The following AGO1 variants were observed in gnomAD, a reference collection of about 807,000 sequenced individuals.
The protein encoded by AGO1 is protein argonaute-1.
In AGO1, 11 loss-of-function variants were observed where a neutral mutation model predicts 109.2. The observed-to-expected ratio is 0.10, with a 90% CI of 0.06 to 0.17. The LOEUF is 0.17. Ranked by LOEUF, AGO1 falls within the 10% of genes least tolerant of loss-of-function variation. The pLI, the probability that AGO1 is intolerant of heterozygous loss-of-function variation, is 1.00. For missense variants in AGO1, 574 were observed against 1,140.3 expected, an observed-to-expected ratio of 0.50 and a Z score of 7.15; for synonymous variants, 422 against 418.6, an observed-to-expected ratio of 1.01 and a Z score of -0.10.
chr1:35,919,385 G>A lies in AGO1; in HGVS notation c.2466-114G>A, dbSNP rs1036702949. 2.4e-5 allele frequency: 35 copies of A among 1,459,582 alleles called. No individual in the cohort carries two copies. Among genetic ancestry groups the A allele is most frequent in the Non-Finnish European group, 3.1e-5 (33 of 1,071,380 alleles). 90.4% of individuals were successfully genotyped at this position (1,459,582 alleles called of 1,614,324 possible). On this transcript the variant is annotated intron_variant, in intron 18 of 18. Transcript: ENST00000373204. This position sits in a 1 kb window ranked among gnomAD's most constrained non-coding sequence, Gnocchi z 6.6. ...CATTGGGCTCGTCTGCCCAATCCTG[G>A]GTTGGGTTTCTCTCTTAAGTTGGTA... is the stretch of plus-strand genomic sequence containing the variant.
intron 11 of AGO1, 127 bp from the exon 12 acceptor site, chr1:35,906,808 G>GA (rs58488535): frequency 0.18 from 94,221 of 532,698 alleles, 1 homozygote; most frequent in South Asian, 0.21. Flanking sequence ...CTGTCTCAAG[G>GA]AAAAAAAAAA....
chr1:35,892,338 G>A (rs1256185254), intron 2 of AGO1, among the ~76,000 whole-genome samples: 1 of 152,240 alleles, frequency 6.6e-6, no homozygotes, highest in Admixed American at 6.5e-5. Flanking sequence ...TAGAAATGCA[G>A]AATTTCAGGC....
rs1557624521 is a variant in AGO1, at chr1:35,919,021, C to T, written c.2266-34C>T. ...CCTATTATCAGCCATCTTCTCTGCC[C>T]AGCCTGGGACCCCTCACCTTCCTAT... On this transcript the variant is annotated intron_variant, in intron 17 of 18. Coordinates refer to ENST00000373204, the MANE Select transcript of AGO1 (RefSeq NM_012199.5). The surrounding 1 kb of genome is among the most constrained non-coding windows in gnomAD (Gnocchi z 6.6). 10 of 1,600,690 alleles carry T rather than the reference C, an allele frequency of 6.2e-6. No homozygotes were observed. The highest frequency in any genetic ancestry group is 8.6e-6 in the Non-Finnish European group (10 of 1,168,230).
Position 35,894,337 on chromosome 1 carries a change from C to T in AGO1, c.807C>T (p.His269=), listed in dbSNP as rs1166366490. 1 of 1,614,236 alleles carries T rather than the reference C, an allele frequency of 6.2e-7. No individual in the cohort carries two copies. Among genetic ancestry groups the T allele is most frequent in the Admixed American group, 1.7e-5 (1 of 60,024 alleles). Residue 269 remains histidine (H), a synonymous_variant, in exon 7 of 19, where the codon CAC becomes CAT. Transcript: ENST00000373204. The stretch of plus-strand genomic sequence containing the variant: ...CAGGCCTGAAGGTGGAAGTCACCCA[C>T]TGTGGACAGATGAAGAGGAAGTACC... ...EIKGLKVEVT[H]CGQMKRKYRV...
intron 11 of AGO1, 112 bp downstream of exon 11, chr1:35,902,449 T>C (rs567132170): frequency 5.9e-6 from 8 of 1,353,850 alleles, no homozygotes; most frequent in Non-Finnish European, 7.8e-6. Context: ...GTCTTGACTC[T>C]GCCTGCATTG....
chr1:35,918,495 A>G lies in AGO1; in HGVS notation c.2265+72A>G, dbSNP rs1645774721. On this transcript the variant is annotated intron_variant, in intron 17 of 18. Transcript: ENST00000373204. Reference sequence around the variant, plus strand: ...TTCATTCATATTGCCTCTAGAATGTATCAGTCATCACTGAATGACATCCAA... The same window carrying G: ...TTCATTCATATTGCCTCTAGAATGTGTCAGTCATCACTGAATGACATCCAA... The G allele has an allele frequency of 5.1e-6, 6 of 1,170,718 alleles. No individual in the cohort carries two copies. In the Admixed American group the frequency reaches 6.7e-5, roughly 13 times the overall value. 72.5% of individuals were successfully genotyped at this position (1,170,718 alleles called of 1,614,324 possible).
chr1:35,901,975 C>T lies in AGO1; in HGVS notation c.1168C>T (p.Pro390Ser). Residue 390 changes from proline to serine, a missense_variant, in exon 10 of 19, where the codon CCC (proline) becomes TCC (serine). Around this residue, in one of 8 missense-constraint regions of AGO1, gnomAD observed 106 missense variants for 147.8 expected, o/e 0.72. Transcript: ENST00000373204. The surrounding 1 kb of genome is among the most constrained non-coding windows in gnomAD (Gnocchi z 4.8). ...GAAGAATGCCAGCTACAACTTAGAT[C>T]CCTACATCCAGGAATTTGGGATCAA... is the stretch of plus-strand genomic sequence containing the variant. ...LMKNASYNLD[P>S]YIQEFGIKVK... is the part of the protein sequence containing the mutation. 6.2e-7 allele frequency: 1 copy of T among 1,607,034 alleles called. No homozygotes were observed. Among genetic ancestry groups the T allele is most frequent in the Non-Finnish European group, 8.5e-7 (1 of 1,176,614 alleles).
intron 15 of AGO1, among the ~76,000 whole-genome samples, chr1:35,916,267 A>G (rs111594985): frequency 3.9e-5 from 6 of 152,314 alleles, no homozygotes; most frequent in African/African-American, 9.6e-5. Context: ...GAAATGTTAC[A>G]TGATCTTTAA....
Position 35,888,589 on chromosome 1 carries a change from A to C in AGO1, c.188A>C (p.Lys63Thr). The C allele has an allele frequency of 6.2e-7, 1 of 1,614,232 alleles. No homozygotes were observed. The highest frequency in any genetic ancestry group is 8.5e-7 in the Non-Finnish European group (1 of 1,180,044). The change falls in exon 2 of 19, where the codon AAG becomes ACG. Residue 63 changes from lysine to threonine, a missense_variant. Physicochemically the swap from Lys to Thr is moderately conservative, Grantham distance 78. Transcript: ENST00000373204. This position sits in a 1 kb window ranked among gnomAD's most constrained non-coding sequence, Gnocchi z 4.1. ...YHYEVDIKPD[K>T]CPRRVNREVV... ...TACGAGGTGGACATCAAGCCGGATA[A>C]GTGTCCCCGTAGAGTCAACCGGTAA...
chr1:35,889,799 TG>T (rs1301267294), intron 2 of AGO1, among the ~76,000 whole-genome samples: 1 of 151,940 alleles, frequency 6.6e-6, no homozygotes, highest in Non-Finnish European at 1.5e-5. Flanking sequence ...CCCGAGTAGC[TG>T]GGATGACAGG....
At position 35,915,435 on chromosome 1, in the gene AGO1, T is replaced by C; in HGVS notation, c.1921T>C (p.Ser641Pro). The C allele has an allele frequency of 6.2e-7, 1 of 1,614,124 alleles. No individual in the cohort carries two copies. The highest frequency in any genetic ancestry group is 8.5e-7 in the Non-Finnish European group (1 of 1,180,018). Residue 641 changes from serine (S) to proline (P), a missense_variant, in exon 15 of 19, where the codon TCC becomes CCC. Ser to Pro is a moderately conservative substitution (Grantham distance 74). Around this residue, in one of 8 missense-constraint regions of AGO1, gnomAD observed 45 missense variants for 61.3 expected, o/e 0.73. Transcript: ENST00000373204. Reference protein sequence around the residue: ...RPRQEIIEDLSYMVRELLIQF... With the variant: ...RPRQEIIEDLPYMVRELLIQF... Reference sequence around the variant, plus strand: ...ACGGCAAGAGATCATTGAAGACTTGTCCTACATGGTGCGTGAGCTCCTCAT... The same window carrying C: ...ACGGCAAGAGATCATTGAAGACTTGCCCTACATGGTGCGTGAGCTCCTCAT...
At chr1:35,885,006 T>A (rs1033112983) in intron 1 of AGO1, among the ~76,000 whole-genome samples, 2 of 130,184 alleles carry the variant, frequency 1.5e-5, no homozygotes, top group Non-Finnish European at 3.3e-5. Context: ...CCTCCCACCC[T>A]CCCAAGGAAA....
chr1:35,908,427 A>G (rs1383049320), intron 12 of AGO1, among the ~76,000 whole-genome samples: 1 of 152,164 alleles, frequency 6.6e-6, no homozygotes, highest in Non-Finnish European at 1.5e-5. Flanking sequence ...TATTGCTATT[A>G]TATGTGATTA....
chr1:35,883,557 TCC>T lies in AGO1; in HGVS notation c.25+113_25+114del. On this transcript the variant is annotated intron_variant, in intron 1 of 18. Transcript: ENST00000373204. This position sits in a 1 kb window ranked among gnomAD's most constrained non-coding sequence, Gnocchi z 5.4. The stretch of plus-strand genomic sequence containing the variant: ...CGCTCCTGAGTGAGGAGAAGGGCTC[TCC>T]CACGATGGGGGCCCAGTTTGAAGGA... 2 of 1,393,810 alleles carry T rather than the reference TCC, an allele frequency of 1.4e-6. No homozygotes were observed. Among genetic ancestry groups the T allele is most frequent in the Non-Finnish European group, 1.9e-6 (2 of 1,067,682 alleles). The allele number at this position is 1,393,810 out of a possible 1,614,324, so 86.3% of individuals were successfully genotyped here.
intron 1 of AGO1, among the ~76,000 whole-genome samples, chr1:35,887,354 A>G (rs1311046334): frequency 6.6e-6 from 1 of 152,204 alleles, no homozygotes; most frequent in African/African-American, 2.4e-5. Flanking sequence ...TCTACTGCCA[A>G]GAACAATAGC....
At chr1:35,905,386 C>A (rs1421279095) in intron 11 of AGO1, among the ~76,000 whole-genome samples, 3 of 152,058 alleles carry the variant, frequency 2.0e-5, no homozygotes, top group African/African-American at 4.8e-5. Context: ...AACATGTATC[C>A]ATTTTTGTCA....
At chr1:35,914,648 C>T (rs186201126) in intron 14 of AGO1, among the ~76,000 whole-genome samples, 5 of 152,268 alleles carry the variant, frequency 3.3e-5, no homozygotes, top group Middle Eastern at 6.8e-3. Context: ...ATCCTCACCC[C>T]GATCTGTATA....
At chr1:35,895,036 A>G in intron 7 of AGO1, 86 bp from the exon 8 acceptor site, 2 of 1,465,322 alleles carry the variant, frequency 1.4e-6, no homozygotes. Flanking sequence ...AAAGGAAAAA[A>G]TCTGAGGCTT....
At chr1:35,896,900 T>A (rs1284176840) in intron 8 of AGO1, among the ~76,000 whole-genome samples, 2 of 152,242 alleles carry the variant, frequency 1.3e-5, no homozygotes, top group Non-Finnish European at 2.9e-5. Context: ...GTAGGTGATA[T>A]TTACTGTAAG....
Sources: gnomAD v4.1 joint callset for allele counts (sites outside exome capture counted in the v4.1 genomes callset) on GRCh38, gnomAD v4.1.1 for gene constraint, gnomAD v4.1.1 regional missense constraint, Gnocchi (gnomAD v3.1) non-coding constraint, MANE v1.5 for transcripts, NCBI Gene and HGNC (gene_info 2026-07-23, HGNC 2026-07-21) for gene names.